Variants in MMP16 observed in about 807,000 individuals in gnomAD.
MMP16 encodes matrix metalloproteinase-16.
In MMP16, 12 loss-of-function variants were observed where a neutral mutation model predicts 67.8. The observed-to-expected ratio is 0.18, with a 90% CI of 0.11 to 0.29. The LOEUF (loss-of-function observed/expected upper bound fraction) is 0.29. Ranked by LOEUF, MMP16 falls within the 10% of genes least tolerant of loss-of-function variation. The pLI, the probability that MMP16 is intolerant of heterozygous loss-of-function variation, is 1.00. For missense variants in MMP16, 475 were observed against 765.7 expected (o/e 0.62, Z 4.48); for synonymous variants, 249 against 255.9 (o/e 0.97, Z 0.26).
At chr8:88,183,296 T>C (rs1158861320) in intron 3 of MMP16, among the ~76,000 whole-genome samples, 2 of 152,164 alleles carry the variant, frequency 1.3e-5, no homozygotes, top group Non-Finnish European at 2.9e-5. Context: ...TTTGTATTGG[T>C]GGAGTATATA....
chr8:88,072,465 G>C (rs1808575452), intron 7 of MMP16, among the ~76,000 whole-genome samples: 1 of 152,106 alleles, frequency 6.6e-6, no homozygotes, highest in African/African-American at 2.4e-5. Context: ...GAGTAAACTG[G>C]AGGAAAGAGT....
chr8:88,163,292 A>G (rs1808660720), intron 4 of MMP16, among the ~76,000 whole-genome samples: 1 of 152,074 alleles, frequency 6.6e-6, no homozygotes, highest in African/African-American at 2.4e-5. Context: ...GTGGGTTTGG[A>G]TGCAGATGTC....
chr8:88,106,231 G>A (rs537993084), intron 6 of MMP16, among the ~76,000 whole-genome samples: 1 of 150,876 alleles, frequency 6.6e-6, no homozygotes, highest in Non-Finnish European at 1.5e-5. Context: ...TGTGTATCTG[G>A]GTATACATAG....
At chr8:88,271,946 G>A (rs116955379) in intron 1 of MMP16, among the ~76,000 whole-genome samples, 4 of 152,124 alleles carry the variant, frequency 2.6e-5, no homozygotes, top group Non-Finnish European at 5.9e-5. Flanking sequence ...TTGAACATTG[G>A]CTCAGCAATT....
intron 1 of MMP16, among the ~76,000 whole-genome samples, chr8:88,318,450 A>G (rs560087363): frequency 2.6e-5 from 4 of 152,208 alleles, no homozygotes; most frequent in South Asian, 2.1e-4. Context: ...ATGGGTTAAT[A>G]TTTTTCCACT....
intron 4 of MMP16, among the ~76,000 whole-genome samples, chr8:88,123,654 C>T (rs921352037): frequency 5.3e-5 from 8 of 151,894 alleles, no homozygotes; most frequent in African/African-American, 1.9e-4. Flanking sequence ...CATCATTACT[C>T]CTGCTTTACC....
Position 88,167,909 on chromosome 8 carries a change from C to A in MMP16, c.469G>T (p.Asp157Tyr). Residue 157 changes from aspartate (D) to tyrosine (Y), a missense_variant, in exon 4 of 10, where the codon GAT (aspartate) becomes TAT (tyrosine). Asp to Tyr is a radical substitution (Grantham distance 160, BLOSUM62 -3). Transcript: ENST00000286614. ...ETRKAIRRAF[D>Y]VWQNVTPLTF... ...AGAGGAGTTACATTCTGCCACACAT[C>A]AAAGGCACGGCGAATAGCTTTACGA... is the stretch of plus-strand genomic sequence containing the variant. 1 of 1,614,040 alleles carries A rather than the reference C, an allele frequency of 6.2e-7. No individual in the cohort carries two copies. The highest frequency in any genetic ancestry group is 8.5e-7 in the Non-Finnish European group (1 of 1,179,964).
Position 88,228,271 on chromosome 8 carries a change from A to G in MMP16, c.133-30965T>C, listed in dbSNP as rs961152168. Among the ~76,000 whole-genome samples, 3 of 152,126 alleles carry G rather than the reference A, an allele frequency of 2.0e-5. No individual in the cohort carries two copies. In the South Asian group the frequency reaches 6.2e-4, roughly 31 times the overall value. ...TTAGATGCACTTCTAGGAGATTATT[A>G]TAAGAAAATAATATGAGAATTGAAA... On this transcript the variant is annotated intron_variant, in intron 1 of 9. Transcript: ENST00000286614.
intron 6 of MMP16, among the ~76,000 whole-genome samples, chr8:88,111,857 T>G (rs562658503): frequency 4.6e-5 from 7 of 151,852 alleles, no homozygotes; most frequent in Middle Eastern, 3.4e-3. Context: ...GATTCTTCAG[T>G]AGAATTAAGA....
chr8:88,188,977 G>A (rs1017844324), intron 2 of MMP16, among the ~76,000 whole-genome samples: 1 of 152,104 alleles, frequency 6.6e-6, no homozygotes, highest in African/African-American at 2.4e-5. Flanking sequence ...ATTTTAGGGA[G>A]GAATATTAGA....
At chr8:88,277,996 A>G (rs937960779) in intron 1 of MMP16, among the ~76,000 whole-genome samples, 1 of 152,224 alleles carries the variant, frequency 6.6e-6, no homozygotes, top group African/African-American at 2.4e-5. Flanking sequence ...GGCATCTTCG[A>G]TGAGTAAGGC....
intron 4 of MMP16, among the ~76,000 whole-genome samples, chr8:88,139,246 G>A (rs1808172011): frequency 6.6e-6 from 1 of 151,954 alleles, no homozygotes; most frequent in South Asian, 2.1e-4. Flanking sequence ...ATTTACCTCA[G>A]CATTTTTCTT....
rs1465763372 is a variant in MMP16, at chr8:88,153,560, C to T, written c.709+14109G>A. ...AGAACAGAGCCCTCAGAAATAACAC[C>T]GCACACCTACAACTATCTGATCTTT... On this transcript the variant is annotated intron_variant, in intron 4 of 9. Transcript: ENST00000286614. Among the ~76,000 whole-genome samples the T allele has an allele frequency of 3.3e-5, 5 of 151,902 alleles. No individual in the cohort carries two copies. The South Asian group carries it at 6.2e-4, about 19-fold the overall frequency.
chr8:88,304,421 C>CA (rs1209156404), intron 1 of MMP16, among the ~76,000 whole-genome samples: 1 of 152,152 alleles, frequency 6.6e-6, no homozygotes, highest in African/African-American at 2.4e-5. Flanking sequence ...GACAGGCCAA[C>CA]ATTCAAATTC....
At chr8:88,289,456 C>A (rs954570620) in intron 1 of MMP16, among the ~76,000 whole-genome samples, 3 of 152,052 alleles carry the variant, frequency 2.0e-5, no homozygotes, top group Non-Finnish European at 4.4e-5. Flanking sequence ...CATCAGAGGA[C>A]CATTGTGAGG....
At position 88,158,103 on chromosome 8, in the gene MMP16, G is replaced by A. The variant is rs540277965; in HGVS notation, c.709+9566C>T. ...ACATTTGGGTTGGTTCCAAGTCTTTGCTATTGTGAATAGTGCCACAATAAA... is the reference window on the plus strand; with the variant it reads ...ACATTTGGGTTGGTTCCAAGTCTTTACTATTGTGAATAGTGCCACAATAAA... On this transcript the variant is annotated intron_variant, in intron 4 of 9. Coordinates refer to ENST00000286614, the MANE Select transcript of MMP16 (RefSeq NM_005941.5). Among the ~76,000 whole-genome samples, 172 of 152,168 alleles carry A rather than the reference G, an allele frequency of 1.1e-3. 1 individual carries two copies. The highest frequency in any genetic ancestry group is 2.1e-3 in the Non-Finnish European group (141 of 68,004).
At chr8:88,072,539 T>G (rs771119111) in intron 7 of MMP16, among the ~76,000 whole-genome samples, 4 of 152,092 alleles carry the variant, frequency 2.6e-5, no homozygotes, top group African/African-American at 9.7e-5. Context: ...AGGTTGACAA[T>G]GTACCAGAAG....
rs569233715 is a variant in MMP16 at position 88,071,967 on chromosome 8, T to TA, written c.1222+2637dup. 5.5e-3 allele frequency among the ~76,000 whole-genome samples: 820 copies of TA among 148,288 alleles called. 6 individuals are homozygous for TA. The highest frequency in any genetic ancestry group is 0.021 in the Middle Eastern group (6 of 288). On this transcript the variant is annotated intron_variant, in intron 7 of 9. Transcript: ENST00000286614. ...ATATTGGGGATAAAACAGTGTAAAA[T>TA]AAAAAAAAAATACCTTGCCTTTATG... is the stretch of plus-strand genomic sequence containing the variant.
At chr8:88,262,291 A>G (rs551980902) in intron 1 of MMP16, among the ~76,000 whole-genome samples, 1 of 152,328 alleles carries the variant, frequency 6.6e-6, no homozygotes, top group African/African-American at 2.4e-5. Context: ...AAAAGATATG[A>G]ATTTTTTAAA....
Sources: gnomAD v4.1 joint callset for allele counts (sites outside exome capture counted in the v4.1 genomes callset) on GRCh38, gnomAD v4.1.1 for gene constraint, MANE v1.5 for transcripts, NCBI Gene and HGNC (gene_info 2026-07-23, HGNC 2026-07-21) for gene names.